FAAH2: variants seen among roughly 807,000 people sequenced by gnomAD.
FAAH2 encodes the protein fatty acid amide hydrolase 2, also known as fatty-acid amide hydrolase 2.
In FAAH2, 60 loss-of-function variants were observed where a neutral mutation model predicts 36.9. That is an observed-to-expected ratio of 1.63 (90% CI 1.32 to 2.02). The LOEUF (loss-of-function observed/expected upper bound fraction) is 2.02. FAAH2 is among the 30% of genes most tolerant of loss of function. The probability of loss-of-function intolerance (pLI) is 0.00; values close to 1 mark genes in which losing one functional copy is unlikely to be tolerated. For synonymous variants in FAAH2, 214 were observed against 143.8 expected, an observed-to-expected ratio of 1.49 and a Z score of -3.49; for missense variants, 689 against 397.5, an observed-to-expected ratio of 1.73 and a Z score of -6.23.
intron 2 of FAAH2, among the ~76,000 whole-genome samples, chrX:57,295,755 C>G (rs1452532558): frequency 8.9e-6 from 1 of 112,021 alleles, no homozygotes; most frequent in East Asian, 2.8e-4. Flanking sequence ...GTCACTCCCA[C>G]CCTAATACTG....
the FAAH2 span, among the ~76,000 whole-genome samples, chrX:57,266,055 G>T: frequency 9.0e-6 from 1 of 111,678 alleles, no homozygotes; most frequent in Non-Finnish European, 1.9e-5. Context: ...CAGAGTGTTT[G>T]AGGTGACTGG....
the FAAH2 span, among the ~76,000 whole-genome samples, chrX:57,243,098 T>C: frequency 2.0e-4 from 22 of 110,734 alleles, no homozygotes; most frequent in Non-Finnish European, 4.2e-4. Flanking sequence ...AAGGCTTGAG[T>C]AGGCGGTTTT....
At chrX:57,395,827 G>A (rs921601234) in intron 7 of FAAH2, among the ~76,000 whole-genome samples, 12 of 111,533 alleles carry the variant, frequency 1.1e-4, no homozygotes, top group Admixed American at 5.7e-4. Flanking sequence ...TTCTTTCCTT[G>A]CATAATATTT....
At chrX:57,324,567 G>C (rs1393605353) in intron 3 of FAAH2, among the ~76,000 whole-genome samples, 1 of 111,756 alleles carries the variant, frequency 8.9e-6, no homozygotes, top group Non-Finnish European at 1.9e-5. Context: ...TTCCTTGTAA[G>C]TTGGATTCCT....
At position 57,475,794 on chromosome X, in the gene FAAH2, T is replaced by C. The variant is rs753631915; in HGVS notation, c.1424-12963T>C. 2.7e-5 allele frequency among the ~76,000 whole-genome samples: 3 copies of C among 112,271 alleles called. No individual in the cohort carries two copies. The South Asian group carries it at 1.1e-3, about 41-fold the overall frequency. ...TGAATTACTTTGGGCAATATGGCCA[T>C]TTTCAGGATATTGATTCTTCCTATC... is the stretch of plus-strand genomic sequence containing the variant. On this transcript the variant is annotated intron_variant, in intron 10 of 10. Coordinates refer to ENST00000374900, the MANE Select transcript of FAAH2 (RefSeq NM_174912.4).
chrX:57,346,870 G>A (rs927277217), intron 5 of FAAH2, among the ~76,000 whole-genome samples: 1 of 111,382 alleles, frequency 9.0e-6, no homozygotes, highest in Non-Finnish European at 1.9e-5. Flanking sequence ...TCTTTTCTTT[G>A]AGGATGCTGA....
At chrX:57,301,934 C>T (rs996049146) in intron 2 of FAAH2, among the ~76,000 whole-genome samples, 4 of 112,060 alleles carry the variant, frequency 3.6e-5, no homozygotes, top group Admixed American at 9.5e-5. Flanking sequence ...AATGCAGTTT[C>T]GTCTTATGCT....
At chrX:57,327,527 C>G (rs1248038700) in intron 3 of FAAH2, among the ~76,000 whole-genome samples, 1 of 109,584 alleles carries the variant, frequency 9.1e-6, no homozygotes, top group African/African-American at 3.3e-5. Context: ...TTCTTGGATG[C>G]TGGTTCATTT....
At chrX:57,310,514 G>A (rs1443411142) in intron 2 of FAAH2, 79 bp from the exon 3 acceptor site, 2 of 1,042,147 alleles carry the variant, frequency 1.9e-6, no homozygotes, top group Non-Finnish European at 2.6e-6. Context: ...ATATTAACAT[G>A]TTGATATGGG....
chrX:57,265,333 A>G, the FAAH2 span, among the ~76,000 whole-genome samples: 1 of 111,677 alleles, frequency 9.0e-6, no homozygotes, highest in African/African-American at 3.3e-5. Flanking sequence ...CCAAGCTGCA[A>G]TGGTCTGTGA....
intron 8 of FAAH2, among the ~76,000 whole-genome samples, chrX:57,441,604 C>G (rs9779016): frequency 0.081 from 8,752 of 107,940 alleles, 853 homozygotes; most frequent in African/African-American, 0.27. Context: ...GTGTGTCTAT[C>G]TCCTTCAGTT....
chrX:57,161,636 A>T, the FAAH2 span, among the ~76,000 whole-genome samples: 1 of 110,681 alleles, frequency 9.0e-6, no homozygotes, highest in Admixed American at 9.6e-5. Flanking sequence ...GTCTCCTTTG[A>T]TCTTTGTTGG....
the FAAH2 span, among the ~76,000 whole-genome samples, chrX:57,152,785 ACTGT>A: frequency 9.0e-6 from 1 of 111,295 alleles, no homozygotes; most frequent in African/African-American, 3.3e-5. Flanking sequence ...TCCTGCACCC[ACTGT>A]CTGGCACTCC....
intron 5 of FAAH2, among the ~76,000 whole-genome samples, chrX:57,371,374 G>C (rs772293632): frequency 8.9e-6 from 1 of 111,888 alleles, no homozygotes; most frequent in South Asian, 3.7e-4. Context: ...GTGTTAGTTT[G>C]CTTAGGATAT....
chrX:57,378,504 G>C, intron 5 of FAAH2, 147 bp from the exon 6 acceptor site: 2 of 678,816 alleles, frequency 2.9e-6, no homozygotes, highest in Admixed American at 7.2e-5. Context: ...GTAAAATTGT[G>C]AAACTACTGC....
intron 7 of FAAH2, among the ~76,000 whole-genome samples, chrX:57,400,382 T>C (rs1004017600): frequency 2.7e-5 from 3 of 112,324 alleles, no homozygotes; most frequent in Admixed American, 9.4e-5. Flanking sequence ...GGTTACAAGC[T>C]GGCCCCTCGG....
chrX:57,133,402 C>G, the FAAH2 span, among the ~76,000 whole-genome samples: 1 of 111,388 alleles, frequency 9.0e-6, no homozygotes, highest in South Asian at 3.8e-4. Context: ...CAAAGCAAGT[C>G]AAAGGGGCAG....
the FAAH2 span, among the ~76,000 whole-genome samples, chrX:57,280,659 A>C: frequency 1.8e-5 from 2 of 111,172 alleles, no homozygotes; most frequent in Non-Finnish European, 3.8e-5. Context: ...TCAAAAAAAA[A>C]AAAACACTAA....
intron 5 of FAAH2, among the ~76,000 whole-genome samples, chrX:57,362,650 G>T (rs915807592): frequency 5.4e-5 from 6 of 111,511 alleles, no homozygotes; most frequent in Non-Finnish European, 1.9e-5. Flanking sequence ...CTGCTTTTGG[G>T]TACTTAGATA....
Sources: allele counts gnomAD v4.1 joint callset (sites outside exome capture counted in the v4.1 genomes callset), GRCh38; gene constraint gnomAD v4.1.1; transcripts MANE v1.5; gene names NCBI Gene and HGNC (gene_info 2026-07-23, HGNC 2026-07-21).